Variants in AREL1 observed in about 807,000 individuals in gnomAD.
AREL1 encodes the protein apoptosis resistant E3 ubiquitin protein ligase 1, also known as apoptosis-resistant E3 ubiquitin protein ligase 1.
In AREL1, 62 loss-of-function variants were observed where a neutral mutation model predicts 99.0. The observed-to-expected ratio is 0.63, with a 90% CI of 0.51 to 0.77. AREL1 has a LOEUF of 0.77. AREL1 is among the 30% of genes least tolerant of loss of function. The pLI, the probability that AREL1 is intolerant of heterozygous loss-of-function variation, is 0.00. For missense variants in AREL1, 879 were observed against 1,027.6 expected, an observed-to-expected ratio of 0.86 and a Z score of 1.98; for synonymous variants, 380 against 376.5, an observed-to-expected ratio of 1.01 and a Z score of -0.11.
rs141340264 is a variant in AREL1, at chr14:74,688,300, C to T, written c.-45-2640G>A. Among the ~76,000 whole-genome samples, 1,324 of 152,234 alleles carry T rather than the reference C, an allele frequency of 8.7e-3. 13 individuals are homozygous for T. The highest frequency in any genetic ancestry group is 0.02 in the Middle Eastern group (6 of 294). On this transcript the variant is annotated intron_variant, in intron 2 of 19. Transcript: ENST00000356357. ...TCAGCCTCCCAAAGTGCTGGGATTA[C>T]AGGCGTGAGCCACCACGCCCGGCCC...
At position 74,681,778 on chromosome 14, in the gene AREL1, G is replaced by GAAAAAAA. The variant is rs1294500748; in HGVS notation, c.481+1511_481+1517dup. On this transcript the variant is annotated intron_variant, in intron 5 of 19. Coordinates refer to ENST00000356357, the MANE Select transcript of AREL1 (RefSeq NM_001039479.2). ...GGCGAGACGCCATCAAAAAAAAAAA[G>GAAAAAAA]AAAAAAAAAAAAAGAAAGAAACAGG... Among the ~76,000 whole-genome samples the GAAAAAAA allele has an allele frequency of 2.5e-4, 32 of 128,444 alleles. No individual in the cohort carries two copies. The South Asian group carries it at 6.6e-3, about 27-fold the overall frequency. The allele number at this position is 128,444 out of a possible 152,430, so 84.3% of individuals were successfully genotyped here.
chr14:74,692,918 A>G (rs1468267188), intron 1 of AREL1, among the ~76,000 whole-genome samples: 4 of 152,106 alleles, frequency 2.6e-5, no homozygotes, highest in Admixed American at 1.3e-4. Flanking sequence ...CATGTTGCTC[A>G]GGCTAGTCTT....
At chr14:74,699,175 T>G (rs370930472) in intron 1 of AREL1, among the ~76,000 whole-genome samples, 1 of 152,310 alleles carries the variant, frequency 6.6e-6, no homozygotes, top group Admixed American at 6.5e-5. Flanking sequence ...CACTGTTTTC[T>G]TATGATTTTG....
intron 12 of AREL1, 107 bp from the exon 13 acceptor site, chr14:74,670,978 C>T: frequency 2.4e-6 from 2 of 823,158 alleles, no homozygotes; most frequent in East Asian, 2.7e-5. Flanking sequence ...TATTGTACTA[C>T]TCTGGTGTTT....
At position 74,667,309 on chromosome 14, in the gene AREL1, A is replaced by T. The variant is rs1412504487; in HGVS notation, c.2103+10T>A. The stretch of plus-strand genomic sequence containing the variant: ...AGTTAAGAATGGGAGTCTGAATTGC[A>T]ATCACTTACCTCAAGCTCATTCTCA... On this transcript the variant is annotated intron_variant, in intron 17 of 19. Transcript: ENST00000356357. The T allele has an allele frequency of 6.2e-7, 1 of 1,614,150 alleles. No individual in the cohort carries two copies. The highest frequency in any genetic ancestry group is 1.1e-5 in the South Asian group (1 of 91,082).
intron 2 of AREL1, among the ~76,000 whole-genome samples, chr14:74,686,982 G>T (rs1484009279): frequency 6.6e-6 from 1 of 151,742 alleles, no homozygotes; most frequent in African/African-American, 2.4e-5. Context: ...TGAATTAGCT[G>T]GGGACCCAAC....
intron 18 of AREL1, among the ~76,000 whole-genome samples, chr14:74,664,613 ATTTTTTT>A (rs747317541): frequency 2.5e-5 from 3 of 117,972 alleles, no homozygotes; most frequent in East Asian, 2.4e-4. Context: ...CACCCAGCTA[ATTTTTTT>A]TTTTTTTTTT....
chr14:74,709,406 G>A (rs1207270610), intron 1 of AREL1, among the ~76,000 whole-genome samples: 1 of 152,196 alleles, frequency 6.6e-6, no homozygotes, highest in Non-Finnish European at 1.5e-5. Flanking sequence ...CTTACAGAAA[G>A]ATGAACAAGA....
intron 9 of AREL1, among the ~76,000 whole-genome samples, 191 bp downstream of exon 9, chr14:74,673,843 G>T (rs559591141): frequency 1.3e-5 from 2 of 152,180 alleles, no homozygotes; most frequent in East Asian, 3.8e-4. Context: ...GTAGGCATGC[G>T]TCCTTCCAGA....
At chr14:74,697,155 TAC>T (rs112999456) in intron 1 of AREL1, among the ~76,000 whole-genome samples, 9,613 of 146,868 alleles carry the variant, frequency 0.065, 658 homozygotes, top group African/African-American at 0.17. Context: ...CTGTCACACA[TAC>T]ACACACACAC....
rs374246822 is a variant in AREL1 at position 74,669,898 on chromosome 14, G to C, written c.1788+49C>G. ...TACAAGCCCAGGAGGAGAGATTTCA[G>C]GGTTAATGGCCAGGGGCCTTAGTAG... On this transcript the variant is annotated intron_variant, in intron 14 of 19. Coordinates refer to ENST00000356357, the MANE Select transcript of AREL1 (RefSeq NM_001039479.2). The C allele has an allele frequency of 1.9e-4, 293 of 1,581,496 alleles. 1 individual carries two copies. In the Middle Eastern group the frequency reaches 1.9e-3, roughly 10 times the overall value.
At chr14:74,679,305 C>T (rs1456346924) in intron 5 of AREL1, among the ~76,000 whole-genome samples, 1 of 151,934 alleles carries the variant, frequency 6.6e-6, no homozygotes, top group African/African-American at 2.4e-5. Flanking sequence ...TGCCACAGTC[C>T]CAGCAACTTG....
At chr14:74,683,264 C>T in intron 5 of AREL1, 32 bp downstream of exon 5, 1 of 1,501,178 alleles carries the variant, frequency 6.7e-7, no homozygotes, top group Non-Finnish European at 9.2e-7. Flanking sequence ...GGGAAGGAGA[C>T]AAAGGGAAAA....
At chr14:74,677,237 G>A (rs533369933) in intron 5 of AREL1, among the ~76,000 whole-genome samples, 5 of 150,556 alleles carry the variant, frequency 3.3e-5, no homozygotes, top group Admixed American at 6.6e-5. Flanking sequence ...GCTCACACGT[G>A]TAATCCCAGC....
intron 11 of AREL1, among the ~76,000 whole-genome samples, chr14:74,672,214 A>G (rs997752487): frequency 6.6e-6 from 1 of 152,232 alleles, no homozygotes; most frequent in African/African-American, 2.4e-5. Context: ...GGGAGTTCCA[A>G]GGGACCCATT....
Position 74,692,255 on chromosome 14 carries a change from G to A in AREL1, c.-260C>T. On this transcript the variant is annotated 5_prime_UTR_variant, in exon 2 of 20. Coordinates refer to ENST00000356357, the MANE Select transcript of AREL1 (RefSeq NM_001039479.2). The stretch of plus-strand genomic sequence containing the variant: ...ATGAACTCCAGGGTAGAGAAATACA[G>A]CCCAAGAATATATCATTCCTGGACT... 1 of 456,578 alleles carries A rather than the reference G, an allele frequency of 2.2e-6. No individual in the cohort carries two copies. The highest frequency in any genetic ancestry group is 4.4e-6 in the Non-Finnish European group (1 of 226,970). The allele number at this position is 456,578 out of a possible 1,614,324, so 28.3% of individuals were successfully genotyped here.
At chr14:74,673,029 T>C (rs1473023537) in intron 10 of AREL1, 48 bp downstream of exon 10, 4 of 1,613,990 alleles carry the variant, frequency 2.5e-6, no homozygotes, top group Admixed American at 3.3e-5. Flanking sequence ...CCCTCATGGA[T>C]GTGGCTGGGC....
intron 11 of AREL1, chr14:74,672,050 TGTGCAGTGGAGA>T (rs1348783353): frequency 4.4e-6 from 2 of 452,326 alleles, no homozygotes; most frequent in African/African-American, 4.0e-5. Context: ...TGCCAGTGTC[TGTGCAGTGGAGA>T]CAGACACACA....
chr14:74,669,948 T>C lies in AREL1; in HGVS notation c.1787A>G (p.Lys596Arg). 1 of 1,606,554 alleles carries C rather than the reference T, an allele frequency of 6.2e-7. No homozygotes were observed. Among genetic ancestry groups the C allele is most frequent in the East Asian group, 2.2e-5 (1 of 44,804 alleles). Residue 596 changes from lysine to arginine, a missense_variant and splice_region_variant, in exon 14 of 20, where the codon AAG becomes AGG. Transcript: ENST00000356357. Reference protein sequence around the residue: ...AQIIGLRMHYKYFETDDPEFY... With the variant: ...AQIIGLRMHYRYFETDDPEFY... ...GGAAATGCACACCCAAGATGTTACC[T>C]TGTAATGCATACGCAGTCCTATGAT... is the stretch of plus-strand genomic sequence containing the variant.
Sources: gnomAD v4.1 joint callset for allele counts (sites outside exome capture counted in the v4.1 genomes callset) on GRCh38, gnomAD v4.1.1 for gene constraint, MANE v1.5 for transcripts, NCBI Gene and HGNC (gene_info 2026-07-23, HGNC 2026-07-21) for gene names.